SEMA5A: variants seen among roughly 807,000 people sequenced by gnomAD.
SEMA5A encodes the protein semaphorin 5A, also known as semaphorin-5A.
In SEMA5A, 55 loss-of-function variants were observed where a neutral mutation model predicts 135.5. The observed-to-expected ratio is 0.41, with a 90% CI of 0.33 to 0.51. The LOEUF is 0.51. Ranked by LOEUF, SEMA5A falls within the 20% of genes least tolerant of loss-of-function variation. The pLI is 0.37. For synonymous variants in SEMA5A, 580 were observed against 546.5 expected (o/e 1.06, Z -0.85); for missense variants, 1,290 against 1,419.9 (o/e 0.91, Z 1.47).
intron 10 of SEMA5A, among the ~76,000 whole-genome samples, chr5:9,196,739 G>A (rs891621988): frequency 2.6e-5 from 4 of 152,100 alleles, no homozygotes; most frequent in African/African-American, 9.7e-5. Context: ...TTCCCAACAG[G>A]GAATCCCACC....
At chr5:9,048,693 C>T (rs556197124) in intron 21 of SEMA5A, among the ~76,000 whole-genome samples, 61 of 152,312 alleles carry the variant, frequency 4.0e-4, no homozygotes, top group African/African-American at 1.5e-3. Context: ...ACATGAAGAA[C>T]TGTAGACCCT....
At chr5:9,394,902 G>T (rs922037281) in intron 2 of SEMA5A, among the ~76,000 whole-genome samples, 1 of 151,948 alleles carries the variant, frequency 6.6e-6, no homozygotes, top group African/African-American at 2.4e-5. Flanking sequence ...ATAAAGTGCA[G>T]ACATTTATTT....
At chr5:9,309,250 G>A (rs1282995137) in intron 5 of SEMA5A, among the ~76,000 whole-genome samples, 3 of 152,128 alleles carry the variant, frequency 2.0e-5, no homozygotes, top group Admixed American at 2.0e-4. Context: ...GAATCATGAA[G>A]AAATCTGTTG....
chr5:9,136,710 AG>A (rs1452100731), intron 12 of SEMA5A, 89 bp from the exon 13 acceptor site: 11 of 1,057,926 alleles, frequency 1.0e-5, no homozygotes, highest in African/African-American at 9.3e-5. Flanking sequence ...CTTGGCAGAG[AG>A]GTATGGGATT....
chr5:9,129,767 T>G (rs1275797628), intron 13 of SEMA5A, among the ~76,000 whole-genome samples: 2 of 152,204 alleles, frequency 1.3e-5, no homozygotes, highest in Non-Finnish European at 2.9e-5. Context: ...GGTAGTTTCG[T>G]GTATGCCAGG....
chr5:9,367,994 G>C (rs1016255121), intron 3 of SEMA5A, among the ~76,000 whole-genome samples: 2 of 152,162 alleles, frequency 1.3e-5, no homozygotes, highest in African/African-American at 4.8e-5. Flanking sequence ...GTAGATGTTG[G>C]TGCCATGCTT....
intron 16 of SEMA5A, among the ~76,000 whole-genome samples, chr5:9,074,092 GATTC>G (rs2150087331): frequency 6.6e-6 from 1 of 152,210 alleles, no homozygotes; most frequent in East Asian, 1.9e-4. Context: ...CTAACTTCAG[GATTC>G]ATTATAAAGG....
intron 13 of SEMA5A, among the ~76,000 whole-genome samples, chr5:9,124,029 G>A (rs142973474): frequency 2.0e-5 from 3 of 152,302 alleles, no homozygotes; most frequent in South Asian, 2.1e-4. Context: ...GATGAAGGCA[G>A]AGGAATGAGG....
chr5:9,200,382 C>G (rs40684), intron 9 of SEMA5A, among the ~76,000 whole-genome samples: 71,886 of 151,912 alleles, frequency 0.47, 18,367 homozygotes, highest in Non-Finnish European at 0.58. Flanking sequence ...TTTGTTTTGC[C>G]CAGAGCCAGG....
At chr5:9,093,038 G>C (rs1739121375) in intron 16 of SEMA5A, among the ~76,000 whole-genome samples, 1 of 152,090 alleles carries the variant, frequency 6.6e-6, no homozygotes, top group Non-Finnish European at 1.5e-5. Flanking sequence ...CTCTGAAATT[G>C]AACTAAATCC....
At chr5:9,447,482 T>C (rs1400952683) in intron 1 of SEMA5A, among the ~76,000 whole-genome samples, 1 of 152,216 alleles carries the variant, frequency 6.6e-6, no homozygotes, top group East Asian at 1.9e-4. Flanking sequence ...CTGTCAGGTC[T>C]TTCATCGTCC....
rs138481528 is a variant in SEMA5A at position 9,036,344 on chromosome 5, T to C, written c.*6553A>G. 6.6e-6 allele frequency: 1 copy of C among 152,336 alleles called. No individual in the cohort carries two copies. The highest frequency in any genetic ancestry group is 2.4e-5 in the African/African-American group (1 of 41,578). The allele number at this position is 152,336 out of a possible 1,614,324, so 9.4% of individuals were successfully genotyped here. On this transcript the variant is annotated 3_prime_UTR_variant, in exon 23 of 23. Coordinates refer to ENST00000382496, the MANE Select transcript of SEMA5A (RefSeq NM_003966.3). ...TTAAGAGTGACAACTTTTGTGAACT[T>C]GTGAAGCAGTTTTGATATAAACTTA...
At chr5:9,045,443 T>G (rs1205099647) in intron 21 of SEMA5A, among the ~76,000 whole-genome samples, 1 of 152,238 alleles carries the variant, frequency 6.6e-6, no homozygotes, top group East Asian at 1.9e-4. Flanking sequence ...TTCATTATAT[T>G]TTTTGAGTAT....
At chr5:9,491,234 G>C (rs542502627) in intron 1 of SEMA5A, among the ~76,000 whole-genome samples, 1 of 152,094 alleles carries the variant, frequency 6.6e-6, no homozygotes, top group African/African-American at 2.4e-5. Context: ...GGTTGCCAGG[G>C]GCTGAGGGGA....
At chr5:9,088,651 T>TACAC (rs1461174823) in intron 16 of SEMA5A, among the ~76,000 whole-genome samples, 2 of 111,678 alleles carry the variant, frequency 1.8e-5, no homozygotes, top group African/African-American at 7.7e-5. Context: ...TATATATATA[T>TACAC]ATATATATAC....
chr5:9,353,245 GGAAGGGAAGGGAAGGGAAGC>G (rs1754265063), intron 3 of SEMA5A, among the ~76,000 whole-genome samples: 18 of 138,220 alleles, frequency 1.3e-4, no homozygotes, highest in East Asian at 4.8e-4. Flanking sequence ...GGAAGGAAAG[GGAAGGGAAGGGAAGGGAAGC>G]AAAGGAAAGG....
chr5:9,224,014 A>G lies in SEMA5A; in HGVS notation c.646+660T>C, dbSNP rs190018175. Among the ~76,000 whole-genome samples, 800 of 152,266 alleles carry G rather than the reference A, an allele frequency of 5.3e-3. 31 individuals are homozygous for G. The highest frequency in any genetic ancestry group is 0.048 in the Admixed American group (732 of 15,288). ...AGGGATGTGGCTCTTCTTCGAGTGGATGTTGCCACATGTGGATGCAATACC... is the reference window on the plus strand; with the variant it reads ...AGGGATGTGGCTCTTCTTCGAGTGGGTGTTGCCACATGTGGATGCAATACC... On this transcript the variant is annotated intron_variant, in intron 8 of 22. Coordinates refer to ENST00000382496, the MANE Select transcript of SEMA5A (RefSeq NM_003966.3).
At position 9,224,817 on chromosome 5, in the gene SEMA5A, T is replaced by C. The variant is rs1747200970; in HGVS notation, c.503A>G (p.Asn168Ser). The change falls in exon 8 of 23, where the codon AAT (asparagine) becomes AGT (serine). Residue 168 changes from asparagine (N) to serine (S), a missense_variant. Physicochemically the swap from Asn to Ser is conservative, Grantham distance 46. Transcript: ENST00000382496. ...MARCPYSPQH[N>S]STALLTAGGE... ...ACCAGCTGTGAGGAGCGCTGTGGAA[T>C]TGTGCTGGGGACTGTAGGGACAGCG... The C allele has an allele frequency of 1.2e-6, 2 of 1,613,944 alleles. No homozygotes were observed. Among genetic ancestry groups the C allele is most frequent in the African/African-American group, 2.7e-5 (2 of 74,916 alleles).
intron 6 of SEMA5A, among the ~76,000 whole-genome samples, chr5:9,227,720 T>G (rs2150424562): frequency 6.6e-6 from 1 of 152,154 alleles, no homozygotes; most frequent in East Asian, 1.9e-4. Flanking sequence ...CCGGCCAATT[T>G]TTTGTATTTT....
Sources: gnomAD v4.1 joint callset for allele counts (sites outside exome capture counted in the v4.1 genomes callset) on GRCh38, gnomAD v4.1.1 for gene constraint, MANE v1.5 for transcripts, NCBI Gene and HGNC (gene_info 2026-07-23, HGNC 2026-07-21) for gene names.